The following PCSK6 variants were observed in gnomAD, a reference collection of about 807,000 sequenced individuals.
PCSK6 encodes proprotein convertase subtilisin/kexin type 6, also known as paired basic amino acid cleaving enzyme 4.
Under a neutral mutation model 123.3 loss-of-function variants are expected in PCSK6, and 85 were observed. That is an observed-to-expected ratio of 0.69 (90% CI 0.58 to 0.83). PCSK6 has a LOEUF of 0.83. Among genes scored for constraint, PCSK6 ranks in the 40% least tolerant of loss-of-function variants. The pLI is 0.00. For missense variants in PCSK6, 1,191 were observed against 1,282.3 expected, an observed-to-expected ratio of 0.93 and a Z score of 1.09; for synonymous variants, 508 against 516.0, an observed-to-expected ratio of 0.98 and a Z score of 0.21.
At chr15:101,422,319 A>G (rs1350859302) in intron 6 of PCSK6, among the ~76,000 whole-genome samples, 1 of 152,228 alleles carries the variant, frequency 6.6e-6, no homozygotes, top group African/African-American at 2.4e-5. Flanking sequence ...TGGGCAACCC[A>G]CTAAGAAGTC....
Position 101,331,913 on chromosome 15 carries a change from T to C in PCSK6, c.1977A>G (p.Pro659=), listed in dbSNP as rs1354927824. The C allele has an allele frequency of 6.2e-7, 1 of 1,613,954 alleles. No homozygotes were observed. Among genetic ancestry groups the C allele is most frequent in the Non-Finnish European group, 8.5e-7 (1 of 1,179,868 alleles). The part of the protein sequence containing the change: ...MLELSAPELE[P]PKAALSPSQV... The stretch of plus-strand genomic sequence containing the variant: ...GGGAGGGTGACAGGGCAGCCTTGGG[T>C]GGCTCCAGCTCTGGGGCTGAGAGCT... Residue 659 remains proline, a synonymous_variant, in exon 14 of 22, where the codon CCA becomes CCG. Coordinates refer to ENST00000611716, the MANE Select transcript of PCSK6 (RefSeq NM_002570.5).
In PCSK6 at chr15:101,389,483, C is replaced by T. The variant is rs1596274800; in HGVS notation, c.1291G>A (p.Ala431Thr). The T allele has an allele frequency of 1.2e-6, 2 of 1,613,140 alleles. No individual in the cohort carries two copies. Among genetic ancestry groups the T allele is most frequent in the South Asian group, 1.1e-5 (1 of 91,064 alleles). The part of the protein sequence containing the change: ...VSAPMVAGII[A>T]LALEANSQLT... ...ACTTACTTTGCTTCTAGAGCCAAGG[C>T]GATGATGCCCGCCACCATGGGGGCA... Residue 431 changes from alanine (A) to threonine (T), a missense_variant, in exon 9 of 22, where the codon GCC becomes ACC. Ala to Thr is a moderately conservative substitution (Grantham distance 58). Coordinates refer to ENST00000611716, the MANE Select transcript of PCSK6 (RefSeq NM_002570.5).
intron 10 of PCSK6, 47 bp from the exon 11 acceptor site, chr15:101,382,256 G>C (rs1567178355): frequency 7.0e-7 from 1 of 1,424,960 alleles, no homozygotes; most frequent in Non-Finnish European, 9.7e-7. Context: ...CCTCTCCCAG[G>C]AAGGGAGCAA....
intron 13 of PCSK6, among the ~76,000 whole-genome samples, chr15:101,343,332 T>G (rs541570132): frequency 6.6e-6 from 1 of 152,254 alleles, no homozygotes; most frequent in African/African-American, 2.4e-5. Flanking sequence ...TCTCTACATA[T>G]GTTTGTTTTC....
intron 12 of PCSK6, among the ~76,000 whole-genome samples, chr15:101,369,461 C>T (rs2041508878): frequency 6.6e-6 from 1 of 152,206 alleles, no homozygotes; most frequent in South Asian, 2.1e-4. Context: ...GGCAAGGGGA[C>T]CACACCCCAG....
chr15:101,430,491 C>T (rs902910507), intron 4 of PCSK6, among the ~76,000 whole-genome samples: 8 of 152,236 alleles, frequency 5.3e-5, no homozygotes, highest in African/African-American at 1.4e-4. Flanking sequence ...TATTTCACTT[C>T]GCATAACGTC....
chr15:101,429,686 A>C (rs1252060399), intron 5 of PCSK6, among the ~76,000 whole-genome samples: 1 of 152,214 alleles, frequency 6.6e-6, no homozygotes, highest in East Asian at 1.9e-4. Flanking sequence ...GTTAGACTTA[A>C]GGGTTTCTCT....
intron 9 of PCSK6, among the ~76,000 whole-genome samples, chr15:101,386,114 A>T (rs2042054174): frequency 6.6e-6 from 1 of 151,418 alleles, no homozygotes; most frequent in African/African-American, 2.4e-5. Flanking sequence ...TTTACTAGGA[A>T]CGCACACCGT....
intron 13 of PCSK6, chr15:101,347,432 C>T: frequency 8.1e-7 from 1 of 1,238,194 alleles, no homozygotes; most frequent in African/African-American, 1.5e-5. Context: ...AAAGGGAAAA[C>T]ATGGTCACAC....
At chr15:101,412,966 C>T (rs895109066) in intron 6 of PCSK6, among the ~76,000 whole-genome samples, 33 of 149,354 alleles carry the variant, frequency 2.2e-4, no homozygotes, top group African/African-American at 7.7e-4. Context: ...CCAGCCTGAG[C>T]AACACAGCGA....
intron 13 of PCSK6, among the ~76,000 whole-genome samples, chr15:101,354,881 G>A (rs571005986): frequency 6.6e-6 from 1 of 152,290 alleles, no homozygotes; most frequent in African/African-American, 2.4e-5. Flanking sequence ...ACCATGATAT[G>A]CATCACTAGC....
At chr15:101,377,387 C>A (rs780653483) in intron 11 of PCSK6, among the ~76,000 whole-genome samples, 11 of 152,134 alleles carry the variant, frequency 7.2e-5, no homozygotes, top group South Asian at 2.1e-4. Context: ...CCTAGGGGGG[C>A]AAGGTGGACT....
At chr15:101,438,824 A>G (rs1223017266) in intron 2 of PCSK6, among the ~76,000 whole-genome samples, 1 of 152,244 alleles carries the variant, frequency 6.6e-6, no homozygotes, top group Non-Finnish European at 1.5e-5. Context: ...GACTGCTAGA[A>G]GAGCAGGCCA....
At position 101,366,824 on chromosome 15, in the gene PCSK6, G is replaced by A. The variant is rs112397393; in HGVS notation, c.1722-492C>T. ...CTAAGGACGCCTTTTGAAAGTGCTTGTTTGTGCAAGAATGAAACTTCCATG... is the reference window on the plus strand; with the variant it reads ...CTAAGGACGCCTTTTGAAAGTGCTTATTTGTGCAAGAATGAAACTTCCATG... On this transcript the variant is annotated intron_variant, in intron 12 of 21. Coordinates refer to ENST00000611716, the MANE Select transcript of PCSK6 (RefSeq NM_002570.5). Among the ~76,000 whole-genome samples the A allele has an allele frequency of 7.7e-3, 1,179 of 152,334 alleles. 12 individuals carry two copies. The highest frequency in any genetic ancestry group is 0.026 in the African/African-American group (1,100 of 41,570).
At chr15:101,325,847 C>T (rs2040240594) in intron 16 of PCSK6, among the ~76,000 whole-genome samples, 1 of 152,218 alleles carries the variant, frequency 6.6e-6, no homozygotes, top group Admixed American at 6.5e-5. Flanking sequence ...ACGTGGGGTC[C>T]CAGGTCAGAG....
In PCSK6 at chr15:101,475,682, G is replaced by C. The variant is rs532402626; in HGVS notation, c.297+13692C>G. On this transcript the variant is annotated intron_variant, in intron 1 of 21. Transcript: ENST00000611716. Reference sequence around the variant, plus strand: ...TTTTTTTTTTTTTTTGTAGAGTCAGGAACTTGCCATCTTGCCCAGGCTGGT... The same window carrying C: ...TTTTTTTTTTTTTTTGTAGAGTCAGCAACTTGCCATCTTGCCCAGGCTGGT... Among the ~76,000 whole-genome samples the C allele has an allele frequency of 5.0e-4, 74 of 147,552 alleles. 2 individuals carry two copies. The South Asian group carries it at 0.016, about 31-fold the overall frequency.
chr15:101,370,675 C>T (rs551308538), intron 11 of PCSK6, among the ~76,000 whole-genome samples, 152 bp from the exon 12 acceptor site: 32 of 152,390 alleles, frequency 2.1e-4, no homozygotes, highest in Admixed American at 7.2e-4. Context: ...GACTGCCTCA[C>T]GTGGATGCTC....
At chr15:101,447,114 C>T (rs1183240165) in intron 1 of PCSK6, among the ~76,000 whole-genome samples, 2 of 152,162 alleles carry the variant, frequency 1.3e-5, no homozygotes, top group Admixed American at 1.3e-4. Context: ...CTCGTCCTCC[C>T]CACCCACCTA....
chr15:101,466,620 G>A (rs1587108), intron 1 of PCSK6, among the ~76,000 whole-genome samples: 112,472 of 152,164 alleles, frequency 0.74, 42,398 homozygotes, highest in Non-Finnish European at 0.83. Flanking sequence ...TGATAAATGA[G>A]CAAACACAAT....
Sources: allele counts gnomAD v4.1 joint callset (sites outside exome capture counted in the v4.1 genomes callset), GRCh38; gene constraint gnomAD v4.1.1; transcripts MANE v1.5; gene names NCBI Gene and HGNC (gene_info 2026-07-23, HGNC 2026-07-21).